PDE4D: variants seen among roughly 807,000 people sequenced by gnomAD.
PDE4D encodes 3',5'-cyclic-AMP phosphodiesterase 4D.
PDE4D carries 24 observed loss-of-function variants against 87.4 expected under a neutral mutation model. The ratio of observed to expected loss-of-function variants is 0.27; its 90% CI spans 0.20 to 0.39. The LOEUF (loss-of-function observed/expected upper bound fraction) is 0.39. PDE4D is among the 10% of genes least tolerant of loss of function. The pLI is 1.00. For missense variants in PDE4D, 714 were observed against 1,041.0 expected, an observed-to-expected ratio of 0.69 and a Z score of 4.32; for synonymous variants, 384 against 383.2, an observed-to-expected ratio of 1.00 and a Z score of -0.02.
chr5:58,984,560 A>G (rs2153325533), intron 11 of PDE4D, among the ~76,000 whole-genome samples: 1 of 152,372 alleles, frequency 6.6e-6, no homozygotes, highest in Non-Finnish European at 1.5e-5. Flanking sequence ...ATAAAATTCT[A>G]CATACAATCT....
intron 1 of PDE4D, among the ~76,000 whole-genome samples, chr5:59,710,901 ACTAACAATAGC>A (rs1415764473): frequency 6.6e-6 from 1 of 152,194 alleles, no homozygotes; most frequent in Non-Finnish European, 1.5e-5. Flanking sequence ...TATATGTGAT[ACTAACAATAGC>A]CTAATAAGGT....
At chr5:59,299,815 A>G (rs1292265390) in intron 1 of PDE4D, among the ~76,000 whole-genome samples, 1 of 152,002 alleles carries the variant, frequency 6.6e-6, no homozygotes, top group Non-Finnish European at 1.5e-5. Flanking sequence ...CACTGGAATA[A>G]AAAAAAATGC....
At chr5:59,623,531 T>C (rs955591843) in intron 1 of PDE4D, among the ~76,000 whole-genome samples, 4 of 152,146 alleles carry the variant, frequency 2.6e-5, no homozygotes, top group Non-Finnish European at 5.9e-5. Context: ...CTTGAAACTG[T>C]CTCAATTTCC....
At chr5:59,048,400 C>T (rs975154749) in intron 5 of PDE4D, among the ~76,000 whole-genome samples, 1 of 152,190 alleles carries the variant, frequency 6.6e-6, no homozygotes, top group Non-Finnish European at 1.5e-5. Context: ...TTACTGCATA[C>T]AGTATTCCTT....
chr5:59,119,955 C>T (rs1252183558), intron 5 of PDE4D, among the ~76,000 whole-genome samples: 2 of 152,130 alleles, frequency 1.3e-5, no homozygotes, highest in Admixed American at 1.3e-4. Context: ...AGGGATCCTC[C>T]AGGCTCAGCC....
chr5:59,981,131 C>T (rs995459259), intron 3 of PDE4D, among the ~76,000 whole-genome samples: 1 of 151,906 alleles, frequency 6.6e-6, no homozygotes, highest in Non-Finnish European at 1.5e-5. Context: ...ACATGCCTGT[C>T]GTCTCAGCTA....
chr5:60,099,316 C>G (rs767411871), intron 2 of PDE4D, among the ~76,000 whole-genome samples: 1 of 151,776 alleles, frequency 6.6e-6, no homozygotes, highest in African/African-American at 2.4e-5. Flanking sequence ...AGCATTTGAG[C>G]CTCACTAATC....
chr5:59,201,850 A>G (rs562883946), intron 2 of PDE4D, among the ~76,000 whole-genome samples: 5 of 152,254 alleles, frequency 3.3e-5, no homozygotes, highest in African/African-American at 1.2e-4. Flanking sequence ...AAAACTTTCA[A>G]TTTGGCAAGA....
chr5:59,378,676 G>A (rs1406375027), intron 1 of PDE4D, among the ~76,000 whole-genome samples: 1 of 152,176 alleles, frequency 6.6e-6, no homozygotes, highest in Non-Finnish European at 1.5e-5. Context: ...GATAATTCAT[G>A]CTACTCAAAA....
intron 1 of PDE4D, among the ~76,000 whole-genome samples, chr5:59,611,898 T>G (rs1028012743): frequency 6.6e-6 from 1 of 152,170 alleles, no homozygotes; most frequent in Non-Finnish European, 1.5e-5. Context: ...AGACTGTCAT[T>G]CTTACTCTGA....
At chr5:60,199,625 T>A (rs974498981) in intron 1 of PDE4D, among the ~76,000 whole-genome samples, 3 of 151,718 alleles carry the variant, frequency 2.0e-5, no homozygotes, top group Non-Finnish European at 3.0e-5. Flanking sequence ...ATTTTCTCTT[T>A]AAAAATCTCT....
intron 1 of PDE4D, among the ~76,000 whole-genome samples, chr5:60,291,769 T>C (rs1292122659): frequency 6.6e-6 from 1 of 152,154 alleles, no homozygotes; most frequent in East Asian, 1.9e-4. Flanking sequence ...GAATTTCTTT[T>C]TGAAAAATAA....
chr5:60,170,777 C>T (rs1783355196), intron 2 of PDE4D, among the ~76,000 whole-genome samples: 1 of 151,926 alleles, frequency 6.6e-6, no homozygotes, highest in Admixed American at 6.6e-5. Context: ...ATAAACTCTT[C>T]AGACAATTCT....
At chr5:59,553,119 C>T (rs1370102046) in intron 1 of PDE4D, among the ~76,000 whole-genome samples, 1 of 152,012 alleles carries the variant, frequency 6.6e-6, no homozygotes, top group African/African-American at 2.4e-5. Flanking sequence ...CACTTTGTAT[C>T]AAATGTGGAA....
chr5:59,175,145 G>A (rs1006780123), intron 5 of PDE4D, among the ~76,000 whole-genome samples: 1 of 152,030 alleles, frequency 6.6e-6, no homozygotes, highest in African/African-American at 2.4e-5. Flanking sequence ...GGTATGGCTT[G>A]GGCATCTCTG....
chr5:59,811,561 C>T (rs1432904266), intron 1 of PDE4D, among the ~76,000 whole-genome samples: 2 of 152,210 alleles, frequency 1.3e-5, no homozygotes, highest in African/African-American at 4.8e-5. Flanking sequence ...TTTCCTGACT[C>T]TCAGCCTCTC....
chr5:59,920,958 T>C (rs1754601677), intron 3 of PDE4D, among the ~76,000 whole-genome samples: 1 of 152,156 alleles, frequency 6.6e-6, no homozygotes, highest in South Asian at 2.1e-4. Flanking sequence ...TGGCAATGTA[T>C]ACCTATGTAA....
At chr5:59,252,641 C>T (rs1181871796) in intron 1 of PDE4D, among the ~76,000 whole-genome samples, 6 of 152,028 alleles carry the variant, frequency 3.9e-5, no homozygotes. Context: ...CCCACCTCAG[C>T]CTCTCGAGTA....
chr5:59,159,187 G>T (rs1308636798), intron 5 of PDE4D, among the ~76,000 whole-genome samples: 1 of 152,126 alleles, frequency 6.6e-6, no homozygotes, highest in Non-Finnish European at 1.5e-5. Flanking sequence ...AGGCTGGAGT[G>T]CTGTGATCAT....
Sources: allele counts gnomAD v4.1 joint callset (sites outside exome capture counted in the v4.1 genomes callset), GRCh38; gene constraint gnomAD v4.1.1; transcripts MANE v1.5; gene names NCBI Gene and HGNC (gene_info 2026-07-23, HGNC 2026-07-21).